Variants in BRD2 observed in about 807,000 individuals in gnomAD.
BRD2 encodes the protein bromodomain-containing protein 2.
BRD2 carries 15 observed loss-of-function variants against 79.1 expected under a neutral mutation model. That is an observed-to-expected ratio of 0.19 (90% CI 0.13 to 0.29). BRD2 has a LOEUF of 0.29. Among genes scored for constraint, BRD2 ranks in the 10% least tolerant of loss-of-function variants. The probability of loss-of-function intolerance (pLI) is 1.00; values close to 1 mark genes in which losing one functional copy is unlikely to be tolerated. For missense variants in BRD2, 1,053 were observed against 991.3 expected, an observed-to-expected ratio of 1.06 and a Z score of -0.84; for synonymous variants, 488 against 358.6, an observed-to-expected ratio of 1.36 and a Z score of -4.08.
intron 2 of BRD2, among the ~76,000 whole-genome samples, chr6:32,974,141 C>G (rs915821866): frequency 3.3e-5 from 5 of 152,138 alleles, no homozygotes; most frequent in Non-Finnish European, 2.9e-5. Context: ...AAGCCCCATC[C>G]CCATAGGGCT....
In BRD2 at chr6:32,976,783, G is replaced by C; in HGVS notation, c.1047G>C (p.Gln349His). The change falls in exon 7 of 13, where the codon CAG becomes CAC. Residue 349 changes from glutamine (Q) to histidine (H), a missense_variant. By Grantham distance (24) the Gln-to-His change is conservative (BLOSUM62 0). Coordinates refer to ENST00000374825, the MANE Select transcript of BRD2 (RefSeq NM_005104.4). Reference protein sequence around the residue: ...QSSKKGKLSEQLKHCNGILKE... With the variant: ...QSSKKGKLSEHLKHCNGILKE... ...CTAAGAAAGGAAAGCTTTCAGAACA[G>C]TTAAAACATTGCAATGGCATTTTGA... is the stretch of plus-strand genomic sequence containing the variant. 6.2e-7 allele frequency: 1 copy of C among 1,613,298 alleles called. No homozygotes were observed. The highest frequency in any genetic ancestry group is 8.5e-7 in the Non-Finnish European group (1 of 1,180,046).
At chr6:32,973,509 T>A (rs1465775437) in intron 2 of BRD2, among the ~76,000 whole-genome samples, 1 of 152,236 alleles carries the variant, frequency 6.6e-6, no homozygotes, top group East Asian at 1.9e-4. Context: ...AAAGTTTGAT[T>A]CAGGGCAGGA....
At position 32,980,825 on chromosome 6, in the gene BRD2, C is replaced by CG. The variant is rs1041767764; in HGVS notation, c.*107_*108insG. 52 of 1,342,984 alleles carry CG rather than the reference C, an allele frequency of 3.9e-5. No individual in the cohort carries two copies. In the African/African-American group the frequency reaches 7.8e-4, roughly 20 times the overall value. 83.2% of individuals were successfully genotyped at this position (1,342,984 alleles called of 1,614,324 possible). A position where few individuals can be genotyped will look rare whatever the true frequency, so the allele number is the denominator to read the frequency against. On this transcript the variant is annotated 3_prime_UTR_variant, in exon 13 of 13. Coordinates refer to ENST00000374825, the MANE Select transcript of BRD2 (RefSeq NM_005104.4). ...GCTGTGACACTTCTTCATCTCACCC[C>CG]CCCCCGCCCCCCTCTAGGAGAGCTG... is the stretch of plus-strand genomic sequence containing the variant.
intron 2 of BRD2, 95 bp from the exon 3 acceptor site, chr6:32,974,367 A>G: frequency 7.6e-7 from 1 of 1,324,046 alleles, no homozygotes; most frequent in East Asian, 2.3e-5. Flanking sequence ...TAACCACCTC[A>G]CTAGGGCCAG....
chr6:32,978,453 T>C (rs1218583927), intron 10 of BRD2, 65 bp downstream of exon 10: 1 of 1,561,730 alleles, frequency 6.4e-7, no homozygotes, highest in Non-Finnish European at 8.6e-7. Flanking sequence ...ATGCCATCTC[T>C]CTTTGCAAAG....
In BRD2 at chr6:32,976,549, T is replaced by G. The variant is rs756761647; in HGVS notation, c.826-13T>G. ...TTGGAGTGACAGGTTCCCTATCTTG[T>G]TTCTTTCTGCAGAAAAAAGGCGTAA... On this transcript the variant is annotated splice_polypyrimidine_tract_variant and intron_variant, in intron 6 of 12. Coordinates refer to ENST00000374825, the MANE Select transcript of BRD2 (RefSeq NM_005104.4). The G allele has an allele frequency of 1.3e-6, 2 of 1,591,462 alleles. No individual in the cohort carries two copies. Among genetic ancestry groups the G allele is most frequent in the South Asian group, 2.2e-5 (2 of 90,578 alleles).
chr6:32,978,691 G>T, intron 10 of BRD2: 1 of 453,958 alleles, frequency 2.2e-6, no homozygotes, highest in Non-Finnish European at 3.9e-6. Context: ...TAGGGTTCAT[G>T]CTTCTATGAG....
In BRD2 at chr6:32,979,972, G is replaced by A; in HGVS notation, c.1986G>A (p.Leu662=). The A allele has an allele frequency of 1.2e-6, 2 of 1,613,172 alleles. No individual in the cohort carries two copies. Among genetic ancestry groups the A allele is most frequent in the Non-Finnish European group, 1.7e-6 (2 of 1,180,036 alleles). The stretch of plus-strand genomic sequence containing the variant: ...TCAACAAATTACCTGGGGAGAAGCT[G>A]GGCCGAGTTGTGCATATAATCCAAG... ...LDINKLPGEK[L]GRVVHIIQAR... The change falls in exon 11 of 13, where the codon CTG becomes CTA. Residue 662 remains leucine, a synonymous_variant. Coordinates refer to ENST00000374825, the MANE Select transcript of BRD2 (RefSeq NM_005104.4).
Position 32,972,039 on chromosome 6 carries a change from G to C in BRD2, c.-860G>C. On this transcript the variant is annotated 5_prime_UTR_variant, in exon 2 of 13. Coordinates refer to ENST00000374825, the MANE Select transcript of BRD2 (RefSeq NM_005104.4). ...CTGGCCAATAGAAAAAGCTCCCGCG[G>C]AGAGGTGTTCCTTCCCCTTCGACTC... The C allele has an allele frequency of 1.4e-6, 1 of 701,882 alleles. No individual in the cohort carries two copies. The highest frequency in any genetic ancestry group is 1.7e-5 in the African/African-American group (1 of 57,308). 43.5% of individuals were successfully genotyped at this position (701,882 alleles called of 1,614,324 possible).
rs962603832 is a variant in BRD2 at position 32,972,429 on chromosome 6, C to T, written c.-470C>T. 2.3e-5 allele frequency: 7 copies of T among 300,410 alleles called. No individual in the cohort carries two copies. Among genetic ancestry groups the T allele is most frequent in the Non-Finnish European group, 4.5e-5 (7 of 156,598 alleles). 18.6% of individuals were successfully genotyped at this position (300,410 alleles called of 1,614,324 possible). On this transcript the variant is annotated 5_prime_UTR_variant, in exon 2 of 13. Transcript: ENST00000374825. ...AATCCTCGGAGTCTGTCCACCCCCTCTACTCCGCCCTCAAGAGGATTTCAA... is the reference window on the plus strand; with the variant it reads ...AATCCTCGGAGTCTGTCCACCCCCTTTACTCCGCCCTCAAGAGGATTTCAA...
At chr6:32,969,123 A>AG (rs35439236) in intron 1 of BRD2, 67 bp downstream of exon 1, 2 of 529,176 alleles carry the variant, frequency 3.8e-6, no homozygotes, top group Non-Finnish European at 6.8e-6. Flanking sequence ...GGAGTCCGGG[A>AG]GGGGGATTCT....
At chr6:32,975,665 C>T (rs200599128) in intron 4 of BRD2, 144 bp downstream of exon 4, 5 of 992,818 alleles carry the variant, frequency 5.0e-6, no homozygotes, top group African/African-American at 1.6e-5. Flanking sequence ...AAAAACCTGA[C>T]TCTAGATGGT....
In BRD2 at chr6:32,972,220, C is replaced by G. The variant is rs911050109; in HGVS notation, c.-679C>G. The stretch of plus-strand genomic sequence containing the variant: ...GGCGCCATTTCGTGCTGGAGTGGAG[C>G]AGCCTCTAGAACGAGCTGGAGGATT... On this transcript the variant is annotated 5_prime_UTR_variant, in exon 2 of 13. Coordinates refer to ENST00000374825, the MANE Select transcript of BRD2 (RefSeq NM_005104.4). 6 of 519,368 alleles carry G rather than the reference C, an allele frequency of 1.2e-5. No homozygotes were observed. The highest frequency in any genetic ancestry group is 7.8e-5 in the South Asian group (4 of 51,282). The allele number at this position is 519,368 out of a possible 1,614,324, so 32.2% of individuals were successfully genotyped here.
intron 3 of BRD2, chr6:32,975,051 G>A (rs1468648930): frequency 3.9e-6 from 6 of 1,522,212 alleles, no homozygotes; most frequent in Non-Finnish European, 5.3e-6. Context: ...GAGGACCACG[G>A]TGGCCAAAAT....
rs758607360 is a variant in BRD2, at chr6:32,974,769, A to AGTAGAGACATTGGAGCC, written c.333+6_333+22dup. 3 of 1,612,050 alleles carry AGTAGAGACATTGGAGCC rather than the reference A, an allele frequency of 1.9e-6. No homozygotes were observed. Among genetic ancestry groups the AGTAGAGACATTGGAGCC allele is most frequent in the Non-Finnish European group, 2.5e-6 (3 of 1,178,502 alleles). On this transcript the variant is annotated splice_donor_region_variant and intron_variant, in intron 3 of 12. Transcript: ENST00000374825. Reference sequence around the variant, plus strand: ...TGCTGTCAAACTGGGTCTACCGGTGAGTAGAGACATTGGAGCCGGGGAGGT... The same window carrying AGTAGAGACATTGGAGCC: ...TGCTGTCAAACTGGGTCTACCGGTGAGTAGAGACATTGGAGCCGTAGAGACATTGGAGCCGGGGAGGT...
rs1229532437 is a variant in BRD2 at position 32,974,475 on chromosome 6, G to C, written c.43G>C (p.Gly15Arg). ...CCATCTTTACAGGCTCCCTGGGGAA[G>C]GGAATGCAGGGTTGCTGGGGCTGGG... The part of the protein sequence containing the change: ...VTPHNKLPGE[G>R]NAGLLGLGPE... Residue 15 changes from glycine to arginine, a missense_variant, in exon 3 of 13, where the codon GGG becomes CGG. Physicochemically the swap from Gly to Arg is moderately radical, Grantham distance 125 (BLOSUM62 -2). Transcript: ENST00000374825. The C allele has an allele frequency of 1.9e-6, 3 of 1,609,480 alleles. No individual in the cohort carries two copies. The highest frequency in any genetic ancestry group is 2.6e-6 in the Non-Finnish European group (3 of 1,176,320).
intron 7 of BRD2, 57 bp from the exon 8 acceptor site, chr6:32,977,385 G>A (rs773897879): frequency 1.9e-6 from 3 of 1,612,242 alleles, no homozygotes; most frequent in African/African-American, 2.7e-5. Flanking sequence ...TCTGGGGTTG[G>A]CAGGGAAAGG....
At chr6:32,969,448 A>G (rs1777753631) in intron 1 of BRD2, 1 of 689,208 alleles carries the variant, frequency 1.5e-6, no homozygotes, top group Non-Finnish European at 2.7e-6. Context: ...TGAATGCTTT[A>G]GGAGTTGGCC....
intron 10 of BRD2, 189 bp from the exon 11 acceptor site, chr6:32,979,639 A>C: frequency 2.0e-6 from 1 of 498,768 alleles, no homozygotes; most frequent in South Asian, 2.4e-5. Flanking sequence ...GTTATTGCCT[A>C]CTTACAGTCG....
Sources: gnomAD v4.1 joint callset for allele counts (sites outside exome capture counted in the v4.1 genomes callset) on GRCh38, gnomAD v4.1.1 for gene constraint, MANE v1.5 for transcripts, NCBI Gene and HGNC (gene_info 2026-07-23, HGNC 2026-07-21) for gene names.